The following COG4 variants were observed in gnomAD, a reference collection of about 807,000 sequenced individuals.
The protein encoded by COG4 is component of oligomeric golgi complex 4.
In COG4, 65 loss-of-function variants were observed where a neutral mutation model predicts 95.1. The observed-to-expected ratio is 0.68, with a 90% CI of 0.56 to 0.84. The LOEUF is 0.84. Ranked by LOEUF, COG4 falls within the 40% of genes least tolerant of loss-of-function variation. The probability of loss-of-function intolerance (pLI) is 0.00; values close to 1 mark genes in which losing one functional copy is unlikely to be tolerated. For missense variants in COG4, 1,045 were observed against 989.1 expected, an observed-to-expected ratio of 1.06 and a Z score of -0.76; for synonymous variants, 421 against 374.8, an observed-to-expected ratio of 1.12 and a Z score of -1.42.
Position 70,480,990 on chromosome 16 carries a change from A to T in COG4, c.*20T>A, listed in dbSNP as rs745909388. 1.2e-6 allele frequency: 2 copies of T among 1,611,100 alleles called. No individual in the cohort carries two copies. The highest frequency in any genetic ancestry group is 4.5e-5 in the East Asian group (2 of 44,872). ...AACAGGCCTGCAAGTGTGATGAGCC[A>T]GGTGTGCTCATCCAGGCAGCTACAG... On this transcript the variant is annotated 3_prime_UTR_variant, in exon 19 of 19. Coordinates refer to ENST00000323786, the MANE Select transcript of COG4 (RefSeq NM_015386.3).
At chr16:70,495,125 TC>T (rs999950542) in intron 12 of COG4, among the ~76,000 whole-genome samples, 8 of 151,684 alleles carry the variant, frequency 5.3e-5, no homozygotes, top group African/African-American at 7.3e-5. Flanking sequence ...GCACGGTAGC[TC>T]ATGCCTGTAA....
At chr16:70,482,279 T>C in intron 15 of COG4, 104 bp from the exon 16 acceptor site, 1 of 816,056 alleles carries the variant, frequency 1.2e-6, no homozygotes, top group Non-Finnish European at 2.1e-6. Context: ...ACATTCTTCC[T>C]TCCCTGTGCC....
rs1567389748 is a variant in COG4 at position 70,509,264 on chromosome 16, G to A, written c.969C>T (p.Asp323=). 1 of 1,613,992 alleles carries A rather than the reference G, an allele frequency of 6.2e-7. No individual in the cohort carries two copies. The highest frequency in any genetic ancestry group is 8.5e-7 in the Non-Finnish European group (1 of 1,180,022). The change falls in exon 7 of 19, where the codon GAC becomes GAT. Residue 323 remains aspartate, a synonymous_variant. Transcript: ENST00000323786. ...ECDRQVEKVV[D]KFIKQRDYHQ... ...GGTAGTCCCTTTGCTTGATGAACTTGTCTACCACCTTCTCCACCTGTCTGT... is the reference window on the plus strand; with the variant it reads ...GGTAGTCCCTTTGCTTGATGAACTTATCTACCACCTTCTCCACCTGTCTGT...
intron 8 of COG4, 119 bp from the exon 9 acceptor site, chr16:70,501,210 C>T: frequency 3.7e-6 from 4 of 1,091,428 alleles, no homozygotes; most frequent in Non-Finnish European, 5.5e-6. Context: ...AAAAGCTCTG[C>T]CAGATGGCCC....
chr16:70,513,496 T>A (rs1277468973), intron 4 of COG4, among the ~76,000 whole-genome samples: 1 of 152,224 alleles, frequency 6.6e-6, no homozygotes, highest in Non-Finnish European at 1.5e-5. Context: ...ACCTTAAATA[T>A]ACTATGTTTT....
rs141179590 is a variant in COG4, at chr16:70,512,230, G to C, written c.738+9C>G. The C allele has an allele frequency of 6.2e-7, 1 of 1,613,596 alleles. No individual in the cohort carries two copies. Among genetic ancestry groups the C allele is most frequent in the South Asian group, 1.1e-5 (1 of 91,050 alleles). ...CACAATTATCCTGCCAAGCAATCAG[G>C]GTCCATACCTGCTTGCAAAGGTACT... On this transcript the variant is annotated intron_variant, in intron 5 of 18. Transcript: ENST00000323786.
chr16:70,492,275 A>G (rs2049259695), intron 12 of COG4, among the ~76,000 whole-genome samples: 1 of 152,208 alleles, frequency 6.6e-6, no homozygotes, highest in Admixed American at 6.5e-5. Flanking sequence ...AACTAAAAAA[A>G]TGAATTCAGG....
intron 13 of COG4, among the ~76,000 whole-genome samples, chr16:70,489,417 C>T (rs751350649): frequency 4.6e-5 from 7 of 151,658 alleles, no homozygotes; most frequent in Non-Finnish European, 4.4e-5. Flanking sequence ...TGGGGTTTCA[C>T]CATCTTGGCC....
At chr16:70,482,851 C>T (rs376038606) in intron 14 of COG4, 30 bp from the exon 15 acceptor site, 2 of 1,552,792 alleles carry the variant, frequency 1.3e-6, no homozygotes, top group Non-Finnish European at 1.8e-6. Context: ...AGACATGTGA[C>T]ACAGAAGGCA....
chr16:70,498,185 T>C (rs1029477173), intron 9 of COG4, 130 bp from the exon 10 acceptor site: 2 of 672,832 alleles, frequency 3.0e-6, no homozygotes, highest in African/African-American at 3.6e-5. Flanking sequence ...GTTACAATCA[T>C]GATACAGATA....
intron 13 of COG4, among the ~76,000 whole-genome samples, chr16:70,485,369 A>G (rs989842234): frequency 6.6e-6 from 1 of 151,060 alleles, no homozygotes; most frequent in Non-Finnish European, 1.5e-5. Context: ...ACACCCAACT[A>G]ATTTTTCTAT....
chr16:70,510,104 C>A, intron 5 of COG4, 83 bp from the exon 6 acceptor site: 2 of 1,150,282 alleles, frequency 1.7e-6, no homozygotes, highest in South Asian at 1.2e-5. Flanking sequence ...AAAATCCTCC[C>A]ATTGACTTTC....
chr16:70,492,661 C>CAAA (rs57112173), intron 12 of COG4, among the ~76,000 whole-genome samples: 1 of 95,016 alleles, frequency 1.1e-5, no homozygotes, highest in African/African-American at 4.1e-5. Context: ...AACTCCGTCT[C>CAAA]AAAAAAAAAA....
Position 70,509,343 on chromosome 16 carries a change from T to C in COG4, c.890A>G (p.Tyr297Cys), listed in dbSNP as rs771643308. ...VETHQPIVET[Y>C]YGPGRLYTLI... ...GGTATAGAGTCTCCCTGGCCCATAA[T>C]AGGTCTCCACTATTGGCTGGTGGGT... The change falls in exon 7 of 19, where the codon TAT becomes TGT. Residue 297 changes from tyrosine (Y) to cysteine (C), a missense_variant. By Grantham distance (194) the Tyr-to-Cys change is radical. Coordinates refer to ENST00000323786, the MANE Select transcript of COG4 (RefSeq NM_015386.3). 25 of 1,614,080 alleles carry C rather than the reference T, an allele frequency of 1.5e-5. No homozygotes were observed. The highest frequency in any genetic ancestry group is 1.5e-4 in the South Asian group (14 of 91,092).
intron 15 of COG4, 72 bp from the exon 16 acceptor site, chr16:70,482,247 C>T: frequency 1.1e-6 from 1 of 939,080 alleles, no homozygotes; most frequent in South Asian, 1.3e-5. Context: ...CCACCTCTAT[C>T]CCTCTAAGAA....
At chr16:70,494,182 C>G (rs2049296863) in intron 12 of COG4, among the ~76,000 whole-genome samples, 1 of 152,144 alleles carries the variant, frequency 6.6e-6, no homozygotes, top group Non-Finnish European at 1.5e-5. Context: ...ACTGTCCTGT[C>G]CTGACAGCTG....
chr16:70,485,579 T>C (rs2049112193), intron 13 of COG4, among the ~76,000 whole-genome samples: 1 of 144,104 alleles, frequency 6.9e-6, no homozygotes. Flanking sequence ...AAAAATCCTG[T>C]TTTTTTTGTT....
chr16:70,522,948 G>C, intron 1 of COG4: 1 of 200,170 alleles, frequency 5.0e-6, no homozygotes, highest in South Asian at 7.5e-5. Context: ...GTCTTAAAAC[G>C]CTTCAAGAAG....
chr16:70,498,591 C>T (rs1473593143), intron 9 of COG4, among the ~76,000 whole-genome samples: 1 of 152,174 alleles, frequency 6.6e-6, no homozygotes, highest in Non-Finnish European at 1.5e-5. Flanking sequence ...TCCCAAATTG[C>T]TGGGATTACA....
Sources: gnomAD v4.1 joint callset for allele counts (sites outside exome capture counted in the v4.1 genomes callset) on GRCh38, gnomAD v4.1.1 for gene constraint, MANE v1.5 for transcripts, NCBI Gene and HGNC (gene_info 2026-07-23, HGNC 2026-07-21) for gene names.